The following PLA1A variants were observed in gnomAD, a reference collection of about 807,000 sequenced individuals.
The protein encoded by PLA1A is phosphatidylserine-specific phospholipase A1alpha.
A neutral mutation model predicts 49.4 loss-of-function variants in PLA1A; 47 were observed. The observed-to-expected ratio is 0.95, with a 90% CI of 0.75 to 1.21. The LOEUF (loss-of-function observed/expected upper bound fraction) is 1.21, where lower values mean the gene tolerates loss of function less well. Ranked by LOEUF, PLA1A falls within the 50% of genes most tolerant of loss-of-function variation. The pLI is 0.00. For missense variants in PLA1A, 561 were observed against 563.9 expected, an observed-to-expected ratio of 0.99 and a Z score of 0.05; for synonymous variants, 224 against 207.9, an observed-to-expected ratio of 1.08 and a Z score of -0.67.
chr3:119,606,678 C>T, intron 1 of PLA1A, 96 bp from the exon 2 acceptor site: 2 of 856,766 alleles, frequency 2.3e-6, no homozygotes, highest in South Asian at 1.6e-5. Flanking sequence ...GCCTGCAGGC[C>T]CCTGTTTCTT....
At chr3:119,606,519 G>A (rs2082690257) in intron 1 of PLA1A, among the ~76,000 whole-genome samples, 1 of 152,090 alleles carries the variant, frequency 6.6e-6, no homozygotes, top group African/African-American at 2.4e-5. Context: ...ATTTCACCAT[G>A]GCCTTTAATC....
At chr3:119,626,526 G>C (rs1406545748) in intron 9 of PLA1A, among the ~76,000 whole-genome samples, 10 of 152,332 alleles carry the variant, frequency 6.6e-5, no homozygotes, top group East Asian at 5.8e-4. Context: ...TGGGGATGCT[G>C]TGAGGCTGGA....
intron 7 of PLA1A, among the ~76,000 whole-genome samples, chr3:119,618,998 T>A (rs912705948): frequency 1.4e-4 from 22 of 152,254 alleles, no homozygotes; most frequent in African/African-American, 4.6e-4. Context: ...CTAGATGCCA[T>A]GGACCCACAG....
At chr3:119,602,742 C>A (rs1237698318) in intron 1 of PLA1A, among the ~76,000 whole-genome samples, 1 of 151,972 alleles carries the variant, frequency 6.6e-6, no homozygotes, top group Non-Finnish European at 1.5e-5. Context: ...TTGGCAAATT[C>A]CATAGTAGAT....
At chr3:119,614,605 C>CAAAAAAA (rs57980425) in intron 5 of PLA1A, among the ~76,000 whole-genome samples, 1 of 68,000 alleles carries the variant, frequency 1.5e-5, no homozygotes, top group African/African-American at 4.6e-5. Context: ...GACTTCGTCT[C>CAAAAAAA]AAAAAAAAAA....
At chr3:119,614,605 C>CAAA (rs57980425) in intron 5 of PLA1A, among the ~76,000 whole-genome samples, 15 of 67,972 alleles carry the variant, frequency 2.2e-4, no homozygotes, top group East Asian at 7.1e-4. Context: ...GACTTCGTCT[C>CAAA]AAAAAAAAAA....
chr3:119,612,745 C>T (rs2082786102), intron 4 of PLA1A, among the ~76,000 whole-genome samples: 1 of 152,164 alleles, frequency 6.6e-6, no homozygotes, highest in Admixed American at 6.5e-5. Context: ...GCCTCGGCCT[C>T]CCAAAGTGCT....
rs756799461 is a variant in PLA1A at position 119,609,531 on chromosome 3, G to A, written c.517G>A (p.Gly173Ser). ...TGTTAGCCTGGGGGCCCACGTTGGG[G>A]GCATGGTGGGACAGCTCTTCGGAGG... is the stretch of plus-strand genomic sequence containing the variant. The part of the protein sequence containing the change: ...IGVSLGAHVG[G>S]MVGQLFGGQL... The change falls in exon 4 of 11, where the codon GGC becomes AGC. Residue 173 changes from glycine (G) to serine (S), a missense_variant. Gly to Ser is a moderately conservative substitution (Grantham distance 56, BLOSUM62 0). Coordinates refer to ENST00000273371, the MANE Select transcript of PLA1A (RefSeq NM_015900.4). 6.2e-6 allele frequency: 10 copies of A among 1,612,918 alleles called. No individual in the cohort carries two copies. The highest frequency in any genetic ancestry group is 8.5e-6 in the Non-Finnish European group (10 of 1,178,922).
Position 119,606,920 on chromosome 3 carries a change from C to T in PLA1A, c.220C>T (p.Gln74Ter), listed in dbSNP as rs1421733631. ...GCTAGTAGAAGGAAGCAGTGACCTC[C>T]AAAACTCTGGGTTCAATGCCACTCT... ...GQLVEGSSDL[Q>*]NSGFNATLGT... Residue 74 changes from glutamine (Q) to a stop codon, truncating the protein, a stop_gained, in exon 2 of 11, where the codon CAA becomes TAA. Transcript: ENST00000273371. LOFTEE classifies it high-confidence loss of function. 6.2e-7 allele frequency: 1 copy of T among 1,614,136 alleles called. No homozygotes were observed. The highest frequency in any genetic ancestry group is 1.3e-5 in the African/African-American group (1 of 75,032).
intron 9 of PLA1A, among the ~76,000 whole-genome samples, chr3:119,628,466 G>T (rs998511650): frequency 6.6e-6 from 1 of 152,216 alleles, no homozygotes; most frequent in Non-Finnish European, 1.5e-5. Context: ...CTATTTTGTT[G>T]CAGTGTCCAC....
intron 6 of PLA1A, 80 bp downstream of exon 6, chr3:119,616,181 G>T (rs1025352734): frequency 2.1e-5 from 18 of 852,490 alleles, no homozygotes; most frequent in East Asian, 1.8e-4. Context: ...GAGTCAGCCA[G>T]AGTGGGCCAT....
chr3:119,608,956 A>G lies in PLA1A; in HGVS notation c.453+9A>G. 3 of 1,611,770 alleles carry G rather than the reference A, an allele frequency of 1.9e-6. No homozygotes were observed. The highest frequency in any genetic ancestry group is 2.5e-6 in the Non-Finnish European group (3 of 1,177,892). On this transcript the variant is annotated intron_variant, in intron 3 of 10. Transcript: ENST00000273371. ...TCCTCAATAAACTCCTGGTAGGTGC[A>G]GAAGAGCTTAGGGTGAGTTTGGGCT...
At position 119,618,072 on chromosome 3, in the gene PLA1A, G is replaced by C; in HGVS notation, c.808G>C (p.Ala270Pro). 5 of 1,613,910 alleles carry C rather than the reference G, an allele frequency of 3.1e-6. No homozygotes were observed. Among genetic ancestry groups the C allele is most frequent in the Non-Finnish European group, 4.2e-6 (5 of 1,179,826 alleles). Residue 270 changes from alanine (A) to proline (P), a missense_variant, in exon 7 of 11, where the codon GCC becomes CCC. Transcript: ENST00000273371. Reference protein sequence around the residue: ...HMRAVHLYISALENSCPLMAF... With the variant: ...HMRAVHLYISPLENSCPLMAF... ...GAGGGCTGTGCACCTCTACATCAGC[G>C]CCCTGGAGAATTCCTGTCCACTGAT...
rs1357260178 is a variant in PLA1A, at chr3:119,622,099, GAA to G, written c.1012+2448_1012+2449del. Among the ~76,000 whole-genome samples, 4 of 148,512 alleles carry G rather than the reference GAA, an allele frequency of 2.7e-5. No individual in the cohort carries two copies. In the East Asian group the frequency reaches 8.2e-4, roughly 31 times the overall value. ...CCTGTTTCTGAAGAAAGAAGAAGAA[GAA>G]GAAGAAGGAGAAGGAGAAGGAGAAG... On this transcript the variant is annotated intron_variant, in intron 8 of 10. Coordinates refer to ENST00000273371, the MANE Select transcript of PLA1A (RefSeq NM_015900.4).
chr3:119,600,352 T>C (rs1415441394), intron 1 of PLA1A: 1 of 702,810 alleles, frequency 1.4e-6, no homozygotes. Context: ...GCTTCCAGGC[T>C]GGCTCAGGCG....
intron 2 of PLA1A, among the ~76,000 whole-genome samples, chr3:119,607,255 T>C (rs557504928): frequency 6.6e-6 from 1 of 152,352 alleles, no homozygotes; most frequent in African/African-American, 2.4e-5. Context: ...AGAACCTTTA[T>C]TACCCAGGAT....
Position 119,628,851 on chromosome 3 carries a change from G to T in PLA1A, c.1272G>T (p.Leu424Phe), listed in dbSNP as rs753927239. The change falls in exon 10 of 11, where the codon TTG becomes TTT. Residue 424 changes from leucine (L) to phenylalanine (F), a missense_variant. Coordinates refer to ENST00000273371, the MANE Select transcript of PLA1A (RefSeq NM_015900.4). ...TIIGKFCTALLPVNDREKMVC... is the reference protein window; with the variant it reads ...TIIGKFCTALFPVNDREKMVC... ...TTGGGAAGTTCTGCACTGCCCTTTTGCCTGTCAATGACAGGTAAGCCCCAG... is the reference window on the plus strand; with the variant it reads ...TTGGGAAGTTCTGCACTGCCCTTTTTCCTGTCAATGACAGGTAAGCCCCAG... 6.2e-7 allele frequency: 1 copy of T among 1,613,278 alleles called. No individual in the cohort carries two copies.
chr3:119,612,638 G>T (rs1050137030), intron 4 of PLA1A, among the ~76,000 whole-genome samples: 1 of 152,090 alleles, frequency 6.6e-6, no homozygotes, highest in Non-Finnish European at 1.5e-5. Context: ...ACAGGCGCCC[G>T]CCACTACGCC....
At chr3:119,614,161 C>CT (rs1410331125) in intron 5 of PLA1A, among the ~76,000 whole-genome samples, 12 of 152,170 alleles carry the variant, frequency 7.9e-5, no homozygotes, top group Non-Finnish European at 1.8e-4. Flanking sequence ...TCAGAAGCCT[C>CT]TTTTTAGCAT....
Sources: allele counts gnomAD v4.1 joint callset (sites outside exome capture counted in the v4.1 genomes callset), GRCh38; gene constraint gnomAD v4.1.1; transcripts MANE v1.5; gene names NCBI Gene and HGNC (gene_info 2026-07-23, HGNC 2026-07-21).